TFIP11: variants seen among roughly 807,000 people sequenced by gnomAD.
The protein encoded by TFIP11 is tuftelin interacting protein 11, also known as tuftelin-interacting protein 11.
TFIP11 carries 86 observed loss-of-function variants against 96.8 expected under a neutral mutation model. That is an observed-to-expected ratio of 0.89 (90% CI 0.75 to 1.06). The LOEUF is 1.06. TFIP11 is among the 50% of genes least tolerant of loss of function. The pLI is 0.00. For missense variants in TFIP11, 881 were observed against 1,076.7 expected (o/e 0.82, Z 2.54); for synonymous variants, 405 against 395.2 (o/e 1.02, Z -0.29).
intron 6 of TFIP11, among the ~76,000 whole-genome samples, chr22:26,504,029 T>C (rs958265748): frequency 1.3e-5 from 2 of 152,168 alleles, no homozygotes; most frequent in Non-Finnish European, 2.9e-5. Context: ...ATATCCCAAA[T>C]AGATTTCCAT....
At chr22:26,503,645 T>C in intron 7 of TFIP11, 21 bp downstream of exon 7, 3 of 1,613,186 alleles carry the variant, frequency 1.9e-6, no homozygotes, top group Non-Finnish European at 2.5e-6. Flanking sequence ...CATCCACCCA[T>C]GTCTCCTGAC....
chr22:26,500,355 G>C (rs903390551), intron 8 of TFIP11, among the ~76,000 whole-genome samples: 19 of 151,956 alleles, frequency 1.3e-4, no homozygotes, highest in Non-Finnish European at 2.6e-4. Flanking sequence ...ATTTTTAGTA[G>C]GGATGGGGTT....
intron 5 of TFIP11, 84 bp from the exon 6 acceptor site, chr22:26,506,543 G>T: frequency 6.6e-7 from 1 of 1,509,378 alleles, no homozygotes; most frequent in Non-Finnish European, 8.9e-7. Flanking sequence ...CAGGAAAATG[G>T]CCTAAGTTAT....
At chr22:26,501,806 A>AT in intron 8 of TFIP11, 94 bp downstream of exon 8, 5 of 704,660 alleles carry the variant, frequency 7.1e-6, no homozygotes, top group Non-Finnish European at 1.1e-5. Context: ...AAAAAAAAAA[A>AT]AGCCTAGCTA....
Position 26,491,411 on chromosome 22 carries a change from T to G in TFIP11, c.*602A>C. 7.4e-7 allele frequency: 1 copy of G among 1,350,678 alleles called. No homozygotes were observed. The highest frequency in any genetic ancestry group is 1.0e-6 in the Non-Finnish European group (1 of 961,752). 83.7% of individuals were successfully genotyped at this position (1,350,678 alleles called of 1,614,324 possible). A position where few individuals can be genotyped will look rare whatever the true frequency, so the allele number is the denominator to read the frequency against. On this transcript the variant is annotated 3_prime_UTR_variant, in exon 15 of 15. Transcript: ENST00000407690. ...AAAGTGGAAATTTATCCCAGAAGAGTGGGGATTACTGTGACTATCTGAAGT... is the reference window on the plus strand; with the variant it reads ...AAAGTGGAAATTTATCCCAGAAGAGGGGGGATTACTGTGACTATCTGAAGT...
At chr22:26,498,998 G>A in intron 9 of TFIP11, 23 bp from the exon 10 acceptor site, 1 of 1,612,672 alleles carries the variant, frequency 6.2e-7, no homozygotes, top group Non-Finnish European at 8.5e-7. Context: ...GTGAGCAGTT[G>A]AGGGGCAGCG....
At chr22:26,506,506 A>G (rs944131769) in intron 5 of TFIP11, 47 bp from the exon 6 acceptor site, 1 of 1,572,542 alleles carries the variant, frequency 6.4e-7, no homozygotes, top group Non-Finnish European at 8.6e-7. Flanking sequence ...AAACAAAATG[A>G]AGAAAAATCT....
chr22:26,492,737 T>C, intron 14 of TFIP11: 1 of 228,810 alleles, frequency 4.4e-6, no homozygotes, highest in Non-Finnish European at 8.7e-6. Flanking sequence ...CAGCTTTTAG[T>C]ACCTTGAAAA....
chr22:26,499,503 G>T lies in TFIP11; in HGVS notation c.930C>A (p.Ala310=). The change falls in exon 9 of 15, where the codon GCC becomes GCA. Residue 310 remains alanine, a synonymous_variant. Transcript: ENST00000407690. The stretch of plus-strand genomic sequence containing the variant: ...CGGGCAGCGCGAAGCCGGGGGCCTT[G>T]GCCTCTTTGCCAGACTGTGGCAGCT... ...SQQLPQSGKE[A]KAPGFALPEL... 2.5e-6 allele frequency: 4 copies of T among 1,614,204 alleles called. No homozygotes were observed. The highest frequency in any genetic ancestry group is 3.4e-6 in the Non-Finnish European group (4 of 1,180,054).
chr22:26,497,641 G>A (rs1390402313), intron 10 of TFIP11, among the ~76,000 whole-genome samples: 1 of 152,314 alleles, frequency 6.6e-6, no homozygotes, highest in East Asian at 1.9e-4. Context: ...ACTCTGGGAG[G>A]CCAAGGCAGG....
At chr22:26,493,865 G>T in intron 14 of TFIP11, 1 of 422,120 alleles carries the variant, frequency 2.4e-6, no homozygotes, top group Non-Finnish European at 4.4e-6. Flanking sequence ...GGTTAAGAGG[G>T]CGGGGCCTGG....
chr22:26,504,466 T>C (rs1021220465), intron 6 of TFIP11, among the ~76,000 whole-genome samples: 14 of 152,096 alleles, frequency 9.2e-5, no homozygotes, highest in Admixed American at 2.6e-4. Flanking sequence ...CCTAGCACTT[T>C]GGGAGGCCAA....
Position 26,496,122 on chromosome 22 carries a change from A to G in TFIP11, c.1800T>C (p.Thr600=), listed in dbSNP as rs1468526966. 2 of 1,613,930 alleles carry G rather than the reference A, an allele frequency of 1.2e-6. No individual in the cohort carries two copies. Among genetic ancestry groups the G allele is most frequent in the Non-Finnish European group, 1.7e-6 (2 of 1,180,018 alleles). Residue 600 remains threonine (T), a synonymous_variant, in exon 12 of 15, where the codon ACT becomes ACC. Coordinates refer to ENST00000407690, the MANE Select transcript of TFIP11 (RefSeq NM_012143.4). ...CCATGAATGCTTCCCAGGAGCCAGG[A>G]GTGAAGACATCCTTCCAGGGCTGGA... ...LILQPWKDVF[T]PGSWEAFMVK... is the part of the protein sequence containing the mutation.
chr22:26,491,863 A>G lies in TFIP11; in HGVS notation c.*150T>C, dbSNP rs1045523. On this transcript the variant is annotated 3_prime_UTR_variant, in exon 15 of 15. Coordinates refer to ENST00000407690, the MANE Select transcript of TFIP11 (RefSeq NM_012143.4). ...TTCCTGCCCTACGTGGCATTGTCCC[A>G]TTTTACATCCTTCCCTCATGACCTG... 0.89 allele frequency: 891,499 copies of G among 1,001,438 alleles called. 398,235 individuals are homozygous for G. Among genetic ancestry groups the G allele is most frequent in the South Asian group, 0.91 (54,297 of 59,386 alleles). 62.0% of individuals were successfully genotyped at this position (1,001,438 alleles called of 1,614,324 possible).
chr22:26,494,230 C>T lies in TFIP11; in HGVS notation c.2067G>A (p.Met689Ile), dbSNP rs1305129818. Residue 689 changes from methionine (M) to isoleucine (I), a missense_variant, in exon 14 of 15, where the codon ATG becomes ATA. Physicochemically the swap from Met to Ile is conservative, Grantham distance 10. Coordinates refer to ENST00000407690, the MANE Select transcript of TFIP11 (RefSeq NM_012143.4). ...ITKWYLGWKS[M>I]FSDQVLAHPS... The stretch of plus-strand genomic sequence containing the variant: ...GATGTGCCAGCACTTGGTCTGAGAA[C>T]ATCGACTTCCAACCCAGGTACCACT... The T allele has an allele frequency of 6.2e-7, 1 of 1,614,250 alleles. No individual in the cohort carries two copies. The highest frequency in any genetic ancestry group is 1.1e-5 in the South Asian group (1 of 91,086).
chr22:26,511,984 G>A (rs1389142881), intron 2 of TFIP11, 115 bp downstream of exon 2: 1 of 152,160 alleles, frequency 6.6e-6, no homozygotes, highest in Admixed American at 6.5e-5. Flanking sequence ...GGTACATGCT[G>A]GTCGCTTGAG....
In TFIP11 at chr22:26,499,360, T is replaced by A. The variant is rs761551508; in HGVS notation, c.1073A>T (p.Lys358Met). Residue 358 changes from lysine (K) to methionine (M), a missense_variant, in exon 9 of 15, where the codon AAG becomes ATG. Transcript: ENST00000407690. ...CTCGTGGTCCAGGACCTCGGTCATC[T>A]TCTCCAGCTCGTGGAAGAGGTTGAC... ...MVVNLFHELE[K>M]MTEVLDHEER... The A allele has an allele frequency of 1.9e-6, 3 of 1,614,196 alleles. No individual in the cohort carries two copies. Among genetic ancestry groups the A allele is most frequent in the Non-Finnish European group, 2.5e-6 (3 of 1,180,014 alleles).
chr22:26,496,583 T>C, intron 11 of TFIP11, 138 bp downstream of exon 11: 1 of 1,178,478 alleles, frequency 8.5e-7, no homozygotes. Flanking sequence ...AGGCTGGAAT[T>C]AACACTATAG....
chr22:26,496,039 G>A (rs1279609764), intron 12 of TFIP11, 34 bp downstream of exon 12: 2 of 1,602,934 alleles, frequency 1.2e-6, no homozygotes, highest in Non-Finnish European at 1.7e-6. Context: ...CACCAAAGCT[G>A]CTGGGCTTGG....
Sources: allele counts gnomAD v4.1 joint callset (sites outside exome capture counted in the v4.1 genomes callset), GRCh38; gene constraint gnomAD v4.1.1; transcripts MANE v1.5; gene names NCBI Gene and HGNC (gene_info 2026-07-23, HGNC 2026-07-21).